SPECC1L: variants seen among roughly 807,000 people sequenced by gnomAD.
The protein encoded by SPECC1L is cytospin-A.
Under a neutral mutation model 116.8 loss-of-function variants are expected in SPECC1L, and 40 were observed. The ratio of observed to expected loss-of-function variants is 0.34; its 90% CI spans 0.27 to 0.45. The LOEUF (loss-of-function observed/expected upper bound fraction) is 0.45. Ranked by LOEUF, SPECC1L falls within the 20% of genes least tolerant of loss-of-function variation. SPECC1L has a pLI of 1.00. For missense variants in SPECC1L, 1,110 were observed against 1,373.6 expected (o/e 0.81, Z 3.03); for synonymous variants, 504 against 500.6 (o/e 1.01, Z -0.09).
chr22:24,304,128 T>C (rs1310595466), intron 3 of SPECC1L, among the ~76,000 whole-genome samples: 3 of 152,146 alleles, frequency 2.0e-5, no homozygotes, highest in Admixed American at 2.0e-4. Flanking sequence ...ACCTAGATAC[T>C]TCCTACAATT....
In SPECC1L at chr22:24,320,805, T is replaced by G. The variant is rs540039469; in HGVS notation, c.308-483T>G. Among the ~76,000 whole-genome samples, 5 of 152,300 alleles carry G rather than the reference T, an allele frequency of 3.3e-5. No individual in the cohort carries two copies. The South Asian group carries it at 1.0e-3, about 32-fold the overall frequency. ...ATTTTTGTGTTTCTAGTAGGTAGCTTAGATTTTTGGTTTTCCCAGAGACTG... is the reference window on the plus strand; with the variant it reads ...ATTTTTGTGTTTCTAGTAGGTAGCTGAGATTTTTGGTTTTCCCAGAGACTG... On this transcript the variant is annotated intron_variant, in intron 4 of 16. Transcript: ENST00000314328.
At position 24,416,412 on chromosome 22, in the gene SPECC1L, C is replaced by T. The variant is rs1008021790; in HGVS notation, c.*1789C>T. 1 of 152,334 alleles carries T rather than the reference C, an allele frequency of 6.6e-6. No homozygotes were observed. The allele number at this position is 152,334 out of a possible 1,614,324, so 9.4% of individuals were successfully genotyped here. On this transcript the variant is annotated 3_prime_UTR_variant, in exon 17 of 17. Coordinates refer to ENST00000314328, the MANE Select transcript of SPECC1L (RefSeq NM_015330.6). ...CTCCTGGCCCCGTCCCGCCCCCTGTCTGAGTTGTGTTTTTGTTGCTGTTCC... is the reference window on the plus strand; with the variant it reads ...CTCCTGGCCCCGTCCCGCCCCCTGTTTGAGTTGTGTTTTTGTTGCTGTTCC...
At chr22:24,406,526 C>G (rs1464948082) in intron 14 of SPECC1L, among the ~76,000 whole-genome samples, 1 of 152,186 alleles carries the variant, frequency 6.6e-6, no homozygotes, top group East Asian at 1.9e-4. Context: ...CCCTGGCAGC[C>G]TGGAGCCCAC....
At chr22:24,375,521 T>G (rs539137485) in intron 14 of SPECC1L, among the ~76,000 whole-genome samples, 16 of 152,330 alleles carry the variant, frequency 1.1e-4, no homozygotes, top group African/African-American at 3.6e-4. Context: ...AATACCATAT[T>G]ATTAGAATAA....
intron 4 of SPECC1L, among the ~76,000 whole-genome samples, chr22:24,316,664 T>C (rs2040574430): frequency 6.7e-6 from 1 of 149,532 alleles, no homozygotes; most frequent in South Asian, 2.2e-4. Flanking sequence ...ATTAAAAGTC[T>C]CCCATGTCTA....
intron 1 of SPECC1L, among the ~76,000 whole-genome samples, chr22:24,273,136 T>C (rs2048762611): frequency 6.6e-6 from 1 of 152,248 alleles, no homozygotes; most frequent in African/African-American, 2.4e-5. Context: ...GAGGTGTATC[T>C]GCGGTGTTTC....
chr22:24,391,065 C>T (rs186656105), intron 14 of SPECC1L, among the ~76,000 whole-genome samples: 3 of 151,522 alleles, frequency 2.0e-5, no homozygotes, highest in Admixed American at 6.6e-5. Context: ...TTAGTAGAGA[C>T]GGGGTTTCAC....
At chr22:24,329,267 A>G (rs2040890708) in intron 7 of SPECC1L, among the ~76,000 whole-genome samples, 1 of 152,242 alleles carries the variant, frequency 6.6e-6, no homozygotes, top group South Asian at 2.1e-4. Flanking sequence ...TGTTAAGTAT[A>G]GTGCAAATAT....
At chr22:24,304,091 CTT>C (rs892309603) in intron 3 of SPECC1L, among the ~76,000 whole-genome samples, 1 of 149,988 alleles carries the variant, frequency 6.7e-6, no homozygotes, top group Non-Finnish European at 1.5e-5. Flanking sequence ...ATTTTTCTAA[CTT>C]TTTTTTTTCC....
chr22:24,368,016 A>G (rs1569438043), intron 13 of SPECC1L, among the ~76,000 whole-genome samples: 1 of 152,186 alleles, frequency 6.6e-6, no homozygotes, highest in East Asian at 1.9e-4. Context: ...AAAAGGGAAG[A>G]TACGGTGCAG....
rs202185079 is a variant in SPECC1L, at chr22:24,365,508, G to C, written c.2860G>C (p.Asp954His). The change falls in exon 13 of 17, where the codon GAC becomes CAC. Residue 954 changes from aspartate (D) to histidine (H), a missense_variant. Asp to His is a moderately conservative substitution (Grantham distance 81). Transcript: ENST00000314328. ...SRRSSEEVKR[D>H]ISAQEGASPA... Reference sequence around the variant, plus strand: ...ACGAAGTAGTGAAGAAGTGAAACGGGACATTTCTGCACAGGAGGGAGCGTC... The same window carrying C: ...ACGAAGTAGTGAAGAAGTGAAACGGCACATTTCTGCACAGGAGGGAGCGTC... The C allele has an allele frequency of 1.9e-6, 3 of 1,613,974 alleles. No homozygotes were observed. The highest frequency in any genetic ancestry group is 2.5e-6 in the Non-Finnish European group (3 of 1,179,994).
Position 24,322,807 on chromosome 22 carries a change from G to A in SPECC1L, c.1827G>A (p.Leu609=). The part of the protein sequence containing the change: ...SGDKSDIQDL[L]ESVRLDKEKA... ...ACAAATCTGATATTCAGGACCTCCT[G>A]GAGAGTGTCAGGCTGGACAAAGAAA... The change falls in exon 5 of 17, where the codon CTG becomes CTA. Residue 609 remains leucine (L), a synonymous_variant. Transcript: ENST00000314328. 1 of 1,603,578 alleles carries A rather than the reference G, an allele frequency of 6.2e-7. No individual in the cohort carries two copies. Among genetic ancestry groups the A allele is most frequent in the Non-Finnish European group, 8.5e-7 (1 of 1,175,306 alleles).
intron 10 of SPECC1L, among the ~76,000 whole-genome samples, chr22:24,339,716 G>C (rs2041132297): frequency 6.6e-6 from 1 of 152,190 alleles, no homozygotes; most frequent in African/African-American, 2.4e-5. Context: ...GTTTACTAGT[G>C]TGCTCCCTCC....
rs62233077 is a variant in SPECC1L, at chr22:24,293,704, C to T, written c.-37-8491C>T. Among the ~76,000 whole-genome samples the T allele has an allele frequency of 5.2e-3, 743 of 141,966 alleles. 3 individuals carry two copies. The highest frequency in any genetic ancestry group is 0.015 in the South Asian group (59 of 3,936). The allele number at this position is 141,966 out of a possible 152,430, so 93.1% of individuals were successfully genotyped here. On this transcript the variant is annotated intron_variant, in intron 2 of 16. Transcript: ENST00000314328. ...GTATCTGTGCCCACTTCCGAGGTGCCTGTCATACTTTGATGCCAGTGGACA... is the reference window on the plus strand; with the variant it reads ...GTATCTGTGCCCACTTCCGAGGTGCTTGTCATACTTTGATGCCAGTGGACA...
intron 8 of SPECC1L, among the ~76,000 whole-genome samples, chr22:24,333,383 T>C (rs1025880937): frequency 3.3e-5 from 5 of 152,354 alleles, no homozygotes; most frequent in Admixed American, 3.3e-4. Context: ...TTGATAGTTA[T>C]ATGACATATA....
At chr22:24,324,460 C>A in intron 6 of SPECC1L, 33 bp downstream of exon 6, 1 of 1,577,904 alleles carries the variant, frequency 6.3e-7, no homozygotes, top group Non-Finnish European at 8.7e-7. Context: ...TCTTTTTTGT[C>A]CTACTCTTTT....
At position 24,366,583 on chromosome 22, in the gene SPECC1L, T is replaced by A. The variant is rs183815582; in HGVS notation, c.2984+951T>A. Among the ~76,000 whole-genome samples, 470 of 152,260 alleles carry A rather than the reference T, an allele frequency of 3.1e-3. 1 individual carries two copies. The highest frequency in any genetic ancestry group is 0.01 in the Middle Eastern group (3 of 294). On this transcript the variant is annotated intron_variant, in intron 13 of 16. Transcript: ENST00000314328. ...AATTATCATGTCTGGATCAGTGTGATAACAGTGGAAAAGAGGTGAAGAGAG... is the reference window on the plus strand; with the variant it reads ...AATTATCATGTCTGGATCAGTGTGAAAACAGTGGAAAAGAGGTGAAGAGAG...
At chr22:24,401,009 A>G (rs1328032653) in intron 14 of SPECC1L, among the ~76,000 whole-genome samples, 2 of 152,218 alleles carry the variant, frequency 1.3e-5, no homozygotes, top group African/African-American at 4.8e-5. Flanking sequence ...ACCCTCCTGT[A>G]CATAGCCCTA....
chr22:24,276,871 T>A, intron 2 of SPECC1L, 68 bp downstream of exon 2: 1 of 400,996 alleles, frequency 2.5e-6, no homozygotes, highest in East Asian at 8.1e-5. Context: ...TACAAAACAC[T>A]GGTGTCTCCT....
Sources: gnomAD v4.1 joint callset for allele counts (sites outside exome capture counted in the v4.1 genomes callset) on GRCh38, gnomAD v4.1.1 for gene constraint, MANE v1.5 for transcripts, NCBI Gene and HGNC (gene_info 2026-07-23, HGNC 2026-07-21) for gene names.